Variants in LSM1 observed in about 807,000 individuals in gnomAD.
LSM1 encodes the protein U6 snRNA-associated Sm-like protein LSm1.
In LSM1, 13 loss-of-function variants were observed where a neutral mutation model predicts 18.0. The observed-to-expected ratio is 0.72, with a 90% confidence interval of 0.47 to 1.15. LSM1 has a LOEUF of 1.15. Among genes scored for constraint, LSM1 ranks in the 50% most tolerant of loss-of-function variants. The probability of loss-of-function intolerance (pLI) is 0.00; values close to 1 mark genes in which losing one functional copy is unlikely to be tolerated. For missense variants in LSM1, 152 were observed against 157.7 expected (o/e 0.96, Z 0.19); for synonymous variants, 46 against 56.0 (o/e 0.82, Z 0.80).
chr8:38,166,029 C>T, intron 3 of LSM1: 1 of 152,362 alleles, frequency 6.6e-6, no homozygotes, highest in African/African-American at 2.4e-5. Context: ...TAGAAGACTT[C>T]ATGAATTTGC....
intron 3 of LSM1, among the ~76,000 whole-genome samples, chr8:38,166,292 T>C (rs542751135): frequency 4.6e-5 from 7 of 152,326 alleles, no homozygotes; most frequent in Admixed American, 4.6e-4. Context: ...TTAAATCTTT[T>C]TTCTTTTTGT....
intron 1 of LSM1, among the ~76,000 whole-genome samples, chr8:38,174,207 A>G (rs1425681424): frequency 4.6e-5 from 7 of 152,220 alleles, no homozygotes; most frequent in Admixed American, 2.0e-4. Context: ...AGGGATGGGC[A>G]TATGAAGAGA....
At chr8:38,175,958 C>G in intron 1 of LSM1, 1 of 243,516 alleles carries the variant, frequency 4.1e-6, no homozygotes, top group Non-Finnish European at 7.7e-6. Context: ...GGGGAGAAGC[C>G]CCCCCCCTCC....
upstream of LSM1, chr8:38,176,494 A>G (rs1481434587): frequency 3.4e-6 from 2 of 591,608 alleles, no homozygotes; most frequent in Admixed American, 3.0e-5. Flanking sequence ...CCTCCATATT[A>G]CCCTTACCCA....
At position 38,163,808 on chromosome 8, in the gene LSM1, C is replaced by A. The variant is rs1192495254; in HGVS notation, c.264G>T (p.Gln88His). 6.2e-7 allele frequency: 1 copy of A among 1,614,038 alleles called. No homozygotes were observed. Among genetic ancestry groups the A allele is most frequent in the East Asian group, 2.2e-5 (1 of 44,900 alleles). Residue 88 changes from glutamine (Q) to histidine (H), a missense_variant, in exon 4 of 4, where the codon CAG (glutamine) becomes CAT (histidine). Coordinates refer to ENST00000311351, the MANE Select transcript of LSM1 (RefSeq NM_014462.3). ...DLEKESDTPL[Q>H]QVSIEEILEE... ...CTAGAATTTCTTCAATGGATACTTG[C>A]TGGAGGGGTGTGTCACTCTCCTTTT...
At position 38,176,467 on chromosome 8, in the gene LSM1, G is replaced by T. The variant is rs1388681933; in HGVS notation, c.-147C>A. 7 of 651,258 alleles carry T rather than the reference G, an allele frequency of 1.1e-5. No individual in the cohort carries two copies. The highest frequency in any genetic ancestry group is 1.9e-5 in the Non-Finnish European group (7 of 375,208). 40.3% of individuals were successfully genotyped at this position (651,258 alleles called of 1,614,324 possible). A position where few individuals can be genotyped will look rare whatever the true frequency, so the allele number is the denominator to read the frequency against. ...ACTTCTGCCCCGGCTTTCAGCCGCC[G>T]GGGGCTGCCGGAAGCTCCTCCATAT... On this transcript the variant is annotated 5_prime_UTR_variant, in exon 1 of 4. Transcript: ENST00000311351.
Position 38,172,040 on chromosome 8 carries a change from A to G in LSM1, c.47-7T>C. 6.2e-7 allele frequency: 1 copy of G among 1,601,896 alleles called. No homozygotes were observed. The highest frequency in any genetic ancestry group is 2.2e-5 in the East Asian group (1 of 44,828). ...AGCAGAACCAAGTGCTTTTCTGGGG[A>G]GAGAGGAAAAAATCTTTTAAATGAA... On this transcript the variant is annotated splice_polypyrimidine_tract_variant and splice_region_variant and intron_variant, in intron 1 of 3. Transcript: ENST00000311351.
chr8:38,173,553 A>G (rs564986836), intron 1 of LSM1, among the ~76,000 whole-genome samples: 2 of 152,262 alleles, frequency 1.3e-5, no homozygotes, highest in African/African-American at 4.8e-5. Flanking sequence ...TAAGTGATGG[A>G]GTCTGTTTAC....
intron 3 of LSM1, among the ~76,000 whole-genome samples, chr8:38,164,054 C>G (rs1174042334): frequency 1.3e-5 from 2 of 152,082 alleles, no homozygotes; most frequent in Non-Finnish European, 1.5e-5. Context: ...TAATAGTGAT[C>G]AGTATATGTA....
intron 1 of LSM1, among the ~76,000 whole-genome samples, chr8:38,172,914 G>C (rs1416432972): frequency 6.6e-6 from 1 of 152,216 alleles, no homozygotes; most frequent in African/African-American, 2.4e-5. Flanking sequence ...ATGAGACTTA[G>C]AAAGTCACCA....
chr8:38,176,148 GC>G, intron 1 of LSM1, 126 bp downstream of exon 1: 1 of 705,594 alleles, frequency 1.4e-6, no homozygotes, highest in Non-Finnish European at 2.4e-6. Context: ...GACGCGGAAC[GC>G]CCGGATTGAG....
In LSM1 at chr8:38,172,024, A is replaced by C. The variant is rs1203604166; in HGVS notation, c.56T>G (p.Leu19Trp). Residue 19 changes from leucine to tryptophan, a missense_variant, in exon 2 of 4, where the codon TTG becomes TGG. By Grantham distance (61) the Leu-to-Trp change is moderately conservative. Coordinates refer to ENST00000311351, the MANE Select transcript of LSM1 (RefSeq NM_014462.3). The part of the protein sequence containing the change: ...SLIEDIDKKH[L>W]VLLRDGRTLI... ...TGTCCTTCCATCTCGAAGCAGAACC[A>C]AGTGCTTTTCTGGGGAGAGAGGAAA... The C allele has an allele frequency of 6.2e-7, 1 of 1,610,936 alleles. No homozygotes were observed. Among genetic ancestry groups the C allele is most frequent in the Admixed American group, 1.7e-5 (1 of 58,946 alleles).
chr8:38,164,914 G>A (rs988743369), intron 3 of LSM1, among the ~76,000 whole-genome samples: 5 of 152,130 alleles, frequency 3.3e-5, no homozygotes, highest in African/African-American at 4.8e-5. Context: ...GTGCGCCACC[G>A]TACCAGCTCT....
Position 38,163,715 on chromosome 8 carries a change from G to T in LSM1, c.357C>A (p.Asp119Glu). The change falls in exon 4 of 4, where the codon GAC (aspartate) becomes GAA (glutamate). Residue 119 changes from aspartate to glutamate, a missense_variant. Coordinates refer to ENST00000311351, the MANE Select transcript of LSM1 (RefSeq NM_014462.3). Reference sequence around the variant, plus strand: ...CTGCTCGAGGAATGGAAAGACCTCGGTCCTTCAGGGCCTGCACTTTCAACT... The same window carrying T: ...CTGCTCGAGGAATGGAAAGACCTCGTTCCTTCAGGGCCTGCACTTTCAACT... ...AEKLKVQALKDRGLSIPRADT... is the reference protein window; with the variant it reads ...AEKLKVQALKERGLSIPRADT... 1 of 1,614,128 alleles carries T rather than the reference G, an allele frequency of 6.2e-7. No homozygotes were observed. The highest frequency in any genetic ancestry group is 8.5e-7 in the Non-Finnish European group (1 of 1,180,014).
At chr8:38,173,261 A>C (rs1449896162) in intron 1 of LSM1, among the ~76,000 whole-genome samples, 1 of 152,206 alleles carries the variant, frequency 6.6e-6, no homozygotes, top group Non-Finnish European at 1.5e-5. Context: ...CACAGAAAGC[A>C]AATCTTAATT....
At chr8:38,168,376 A>G (rs1392756007) in intron 3 of LSM1, among the ~76,000 whole-genome samples, 1 of 151,120 alleles carries the variant, frequency 6.6e-6, no homozygotes, top group Non-Finnish European at 1.5e-5. Flanking sequence ...AGATCGCCTG[A>G]GGTCAGGAGT....
At position 38,176,428 on chromosome 8, in the gene LSM1, C is replaced by G; in HGVS notation, c.-108G>C. On this transcript the variant is annotated 5_prime_UTR_variant, in exon 1 of 4. Transcript: ENST00000311351. Reference sequence around the variant, plus strand: ...CTCGGTGGGACCAAGCCCGGAATCCCGACCGAGACCAGCACTTCTGCCCCG... The same window carrying G: ...CTCGGTGGGACCAAGCCCGGAATCCGGACCGAGACCAGCACTTCTGCCCCG... The G allele has an allele frequency of 1.2e-6, 1 of 850,036 alleles. No individual in the cohort carries two copies. The highest frequency in any genetic ancestry group is 1.5e-5 in the South Asian group (1 of 64,648). 52.7% of individuals were successfully genotyped at this position (850,036 alleles called of 1,614,324 possible).
intron 1 of LSM1, among the ~76,000 whole-genome samples, chr8:38,173,118 C>G (rs189908196): frequency 1.3e-5 from 2 of 152,268 alleles, no homozygotes; most frequent in East Asian, 3.9e-4. Context: ...TGAAAATAAG[C>G]CAGTTACTAG....
At chr8:38,176,136 T>A in intron 1 of LSM1, 139 bp downstream of exon 1, 1 of 655,338 alleles carries the variant, frequency 1.5e-6, no homozygotes, top group Non-Finnish European at 2.6e-6. Flanking sequence ...GTGGAGGACA[T>A]CGACGCGGAA....
Sources: allele counts gnomAD v4.1 joint callset (sites outside exome capture counted in the v4.1 genomes callset), GRCh38; gene constraint gnomAD v4.1.1; transcripts MANE v1.5; gene names NCBI Gene and HGNC (gene_info 2026-07-23, HGNC 2026-07-21).